Variants in MALT1 observed in about 807,000 individuals in gnomAD.
MALT1 encodes MALT1 paracaspase.
A neutral mutation model predicts 85.5 loss-of-function variants in MALT1; 36 were observed. The ratio of observed to expected loss-of-function variants is 0.42; its 90% confidence interval spans 0.32 to 0.56. The LOEUF is 0.56. MALT1 is among the 20% of genes least tolerant of loss of function. The pLI is 0.10. For missense variants in MALT1, 716 were observed against 981.6 expected (o/e 0.73, Z 3.62); for synonymous variants, 359 against 361.3 (o/e 0.99, Z 0.07).
chr18:58,734,603 G>T, intron 12 of MALT1: 1 of 481,754 alleles, frequency 2.1e-6, no homozygotes, highest in Non-Finnish European at 3.7e-6. Flanking sequence ...AGGGTTTTTT[G>T]ATTATAGATT....
chr18:58,691,235 C>T (rs2054493752), intron 2 of MALT1: 1 of 349,248 alleles, frequency 2.9e-6, no homozygotes, highest in East Asian at 9.6e-5. Flanking sequence ...ACACAGGATT[C>T]TGGGAGGGCT....
chr18:58,739,536 ATTAAAGT>A (rs934592320), intron 13 of MALT1, among the ~76,000 whole-genome samples: 10 of 152,198 alleles, frequency 6.6e-5, no homozygotes, highest in Non-Finnish European at 1.3e-4. Flanking sequence ...TCTGGATAAG[ATTAAAGT>A]TTAAATTGAT....
intron 7 of MALT1, among the ~76,000 whole-genome samples, chr18:58,711,630 C>T (rs1334739162): frequency 1.3e-5 from 2 of 152,058 alleles, no homozygotes; most frequent in African/African-American, 4.8e-5. Flanking sequence ...ATCATCTTTC[C>T]TTAGTGTGAT....
intron 1 of MALT1, among the ~76,000 whole-genome samples, chr18:58,674,718 C>T (rs1376925764): frequency 6.6e-6 from 1 of 152,112 alleles, no homozygotes; most frequent in Non-Finnish European, 1.5e-5. Context: ...GGTATTTTTT[C>T]TCTGGTGCCA....
At chr18:58,688,022 T>C (rs937851085) in intron 2 of MALT1, among the ~76,000 whole-genome samples, 13 of 152,202 alleles carry the variant, frequency 8.5e-5, no homozygotes, top group African/African-American at 3.1e-4. Flanking sequence ...AATAGAACTT[T>C]CATTTGTATG....
intron 3 of MALT1, among the ~76,000 whole-genome samples, chr18:58,699,177 G>A (rs1263604841): frequency 6.6e-6 from 1 of 152,206 alleles, no homozygotes; most frequent in African/African-American, 2.4e-5. Context: ...ATTTTAACAG[G>A]AGGGAACAGA....
Position 58,709,984 on chromosome 18 carries a change from T to G in MALT1, c.837T>G (p.Tyr279Ter). The G allele has an allele frequency of 6.2e-7, 1 of 1,602,212 alleles. No homozygotes were observed. Among genetic ancestry groups the G allele is most frequent in the Non-Finnish European group, 8.5e-7 (1 of 1,170,784 alleles). The change falls in exon 6 of 17, where the codon TAT becomes TAG. Residue 279 changes from tyrosine to a stop codon, truncating the protein, a stop_gained. Transcript: ENST00000649217. LOFTEE classifies it high-confidence loss of function. ...TTCTAATATTGATATAGGTGCCTTA[T>G]GTGGATTTGGAACACCAAGGAACCT... ...HETKKLYMVP[Y>*]VDLEHQGTYW... is the part of the protein sequence containing the mutation.
intron 4 of MALT1, among the ~76,000 whole-genome samples, chr18:58,704,501 G>A (rs1021481995): frequency 6.6e-6 from 1 of 152,186 alleles, no homozygotes; most frequent in African/African-American, 2.4e-5. Flanking sequence ...CTGTCACCGA[G>A]GTTGGAGTGC....
chr18:58,695,077 G>C (rs186558644), intron 2 of MALT1, among the ~76,000 whole-genome samples: 2 of 152,318 alleles, frequency 1.3e-5, no homozygotes, highest in Non-Finnish European at 2.9e-5. Context: ...ATAAAGGGGA[G>C]GTTCCCTGCC....
intron 10 of MALT1, among the ~76,000 whole-genome samples, chr18:58,725,916 C>T (rs1448795305): frequency 6.6e-6 from 1 of 152,052 alleles, no homozygotes; most frequent in Non-Finnish European, 1.5e-5. Context: ...CAAAAATTAG[C>T]CCAGCGTGAT....
At chr18:58,742,123 G>A (rs1327864364) in intron 14 of MALT1, 109 bp downstream of exon 14, 1 of 796,022 alleles carries the variant, frequency 1.3e-6, no homozygotes, top group East Asian at 3.0e-5. Flanking sequence ...AAAATATTTT[G>A]GCCTACTAGG....
At chr18:58,733,130 C>T (rs930874351) in intron 10 of MALT1, among the ~76,000 whole-genome samples, 9 of 152,102 alleles carry the variant, frequency 5.9e-5, no homozygotes, top group African/African-American at 1.2e-4. Flanking sequence ...AGGCTGGTTT[C>T]GAACCCCTGA....
At chr18:58,683,005 T>G (rs1340967129) in intron 2 of MALT1, among the ~76,000 whole-genome samples, 1 of 152,240 alleles carries the variant, frequency 6.6e-6, no homozygotes, top group African/African-American at 2.4e-5. Flanking sequence ...AACTGTTGTT[T>G]GGCACCAAAC....
intron 2 of MALT1, among the ~76,000 whole-genome samples, chr18:58,687,998 T>C (rs987558626): frequency 1.3e-5 from 2 of 152,238 alleles, no homozygotes; most frequent in Non-Finnish European, 2.9e-5. Context: ...GGAAGCTGTG[T>C]GTTCACCGTT....
rs1450956513 is a variant in MALT1 at position 58,748,040 on chromosome 18, G to T, written c.*198G>T. 3.6e-6 allele frequency: 2 copies of T among 562,368 alleles called. No homozygotes were observed. Among genetic ancestry groups the T allele is most frequent in the Non-Finnish European group, 6.3e-6 (2 of 316,042 alleles). The allele number at this position is 562,368 out of a possible 1,614,324, so 34.8% of individuals were successfully genotyped here. A position where few individuals can be genotyped will look rare whatever the true frequency, so the allele number is the denominator to read the frequency against. On this transcript the variant is annotated 3_prime_UTR_variant, in exon 17 of 17. Coordinates refer to ENST00000649217, the MANE Select transcript of MALT1 (RefSeq NM_006785.4). Reference sequence around the variant, plus strand: ...ACAGACTTCCTCTTTCTAAGATTTTGTGAATTGGTTGAATAGTTCTATACA... The same window carrying T: ...ACAGACTTCCTCTTTCTAAGATTTTTTGAATTGGTTGAATAGTTCTATACA...
chr18:58,728,296 A>G (rs2055093227), intron 10 of MALT1, among the ~76,000 whole-genome samples: 1 of 152,200 alleles, frequency 6.6e-6, no homozygotes, highest in Non-Finnish European at 1.5e-5. Flanking sequence ...TAGAGATGGA[A>G]TTTAAAAACA....
chr18:58,734,256 C>T, intron 11 of MALT1, 51 bp from the exon 12 acceptor site: 2 of 1,296,324 alleles, frequency 1.5e-6, no homozygotes, highest in Non-Finnish European at 2.2e-6. Flanking sequence ...TTTAAGAATG[C>T]TCTTTAACTT....
rs145098395 is a variant in MALT1, at chr18:58,736,637, G to T, written c.1603+1308G>T. On this transcript the variant is annotated intron_variant, in intron 13 of 16. Transcript: ENST00000649217. ...ATATTTACCAAATTGTCATAGCAAT[G>T]AATGGCATCCCGATATGTGCTGTGA... 3.9e-3 allele frequency among the ~76,000 whole-genome samples: 594 copies of T among 152,294 alleles called. 1 individual carries two copies. The highest frequency in any genetic ancestry group is 0.013 in the African/African-American group (530 of 41,560).
chr18:58,731,242 C>T (rs11152091), intron 10 of MALT1, among the ~76,000 whole-genome samples: 59,652 of 152,118 alleles, frequency 0.39, 14,322 homozygotes, highest in Non-Finnish European at 0.52. Flanking sequence ...CTTGAGCCTC[C>T]GCGCCTGGCC....
Sources: allele counts gnomAD v4.1 joint callset (sites outside exome capture counted in the v4.1 genomes callset), GRCh38; gene constraint gnomAD v4.1.1; transcripts MANE v1.5; gene names NCBI Gene and HGNC (gene_info 2026-07-23, HGNC 2026-07-21).